The following WNK2 variants were observed in gnomAD, a reference collection of about 807,000 sequenced individuals.
WNK2 encodes serine/threonine-protein kinase WNK2.
A neutral mutation model predicts 192.1 loss-of-function variants in WNK2; 67 were observed. The ratio of observed to expected loss-of-function variants is 0.35; its 90% CI spans 0.29 to 0.43. The LOEUF (loss-of-function observed/expected upper bound fraction) is 0.43, where lower values mean the gene tolerates loss of function less well. Ranked by LOEUF, WNK2 falls within the 20% of genes least tolerant of loss-of-function variation. The pLI is 1.00. For synonymous variants in WNK2, 1,439 were observed against 1,393.9 expected (o/e 1.03, Z -0.72); for missense variants, 2,698 against 3,089.7 (o/e 0.87, Z 3.01).
At chr9:93,304,369 G>C (rs1852123802) in intron 26 of WNK2, among the ~76,000 whole-genome samples, 1 of 152,252 alleles carries the variant, frequency 6.6e-6, no homozygotes, top group African/African-American at 2.4e-5. Context: ...CTGTCGTCCT[G>C]TGTGCTGCCA....
intron 2 of WNK2, among the ~76,000 whole-genome samples, chr9:93,227,965 T>G (rs1439655728): frequency 6.6e-6 from 1 of 152,232 alleles, no homozygotes; most frequent in Non-Finnish European, 1.5e-5. Flanking sequence ...TTGCAAGAGC[T>G]CTTTCTCGAA....
At chr9:93,192,858 A>G (rs1029904316) in intron 2 of WNK2, among the ~76,000 whole-genome samples, 3 of 152,048 alleles carry the variant, frequency 2.0e-5, no homozygotes, top group African/African-American at 7.2e-5. Context: ...GGCTGGCTGG[A>G]CTTGCCCCTC....
At chr9:93,285,134 A>G (rs1848266045) in intron 19 of WNK2, among the ~76,000 whole-genome samples, 1 of 152,246 alleles carries the variant, frequency 6.6e-6, no homozygotes, top group Admixed American at 6.5e-5. Flanking sequence ...TCTACCTATA[A>G]AATTACTGGG....
In WNK2 at chr9:93,246,723, G is replaced by A. The variant is rs890164576; in HGVS notation, c.1543-820G>A. 5.3e-5 allele frequency among the ~76,000 whole-genome samples: 8 copies of A among 152,318 alleles called. No individual in the cohort carries two copies. The East Asian group carries it at 7.7e-4, about 15-fold the overall frequency. On this transcript the variant is annotated intron_variant, in intron 7 of 29. Coordinates refer to ENST00000427277, the MANE Select transcript of WNK2 (RefSeq NM_006648.4). Reference sequence around the variant, plus strand: ...CCGAAGCCAGGATGCCCTCTTGCACGGGCACCTCCGCCCTACTGCAGAGGC... The same window carrying A: ...CCGAAGCCAGGATGCCCTCTTGCACAGGCACCTCCGCCCTACTGCAGAGGC...
chr9:93,317,523 A>T lies in WNK2; in HGVS notation c.6520A>T (p.Thr2174Ser). The T allele has an allele frequency of 6.2e-7, 1 of 1,613,562 alleles. No individual in the cohort carries two copies. The change falls in exon 29 of 30, where the codon ACC becomes TCC. Residue 2174 changes from threonine to serine, a missense_variant. Transcript: ENST00000427277. ...TTCTCGTCTCTGTGTTTTGTAGATG[A>T]CCGCACCTCGAGCAGGAGTGGGGAT... ...WAAPGEARAM[T>S]APRAGVGMPR...
intron 19 of WNK2, among the ~76,000 whole-genome samples, chr9:93,285,311 G>T (rs1337976727): frequency 6.6e-6 from 1 of 152,128 alleles, no homozygotes; most frequent in Non-Finnish European, 1.5e-5. Flanking sequence ...TGGAAAGGAA[G>T]AAATAAAACT....
rs2134262072 is a variant in WNK2, at chr9:93,308,136, A to G, written c.6260-192A>G. ...GGGTGATGGCCACCTGGCACAGCCCATGGAAATGCCCCACCATGTCTGACC... is the reference window on the plus strand; with the variant it reads ...GGGTGATGGCCACCTGGCACAGCCCGTGGAAATGCCCCACCATGTCTGACC... On this transcript the variant is annotated intron_variant, in intron 27 of 29. Coordinates refer to ENST00000427277, the MANE Select transcript of WNK2 (RefSeq NM_006648.4). 4.1e-6 allele frequency: 5 copies of G among 1,206,738 alleles called. No homozygotes were observed. In the South Asian group the frequency reaches 6.4e-5, roughly 16 times the overall value. 74.8% of individuals were successfully genotyped at this position (1,206,738 alleles called of 1,614,324 possible).
Position 93,234,840 on chromosome 9 carries a change from G to A in WNK2, c.1108G>A (p.Glu370Lys), listed in dbSNP as rs372094446. 2 of 1,613,950 alleles carry A rather than the reference G, an allele frequency of 1.2e-6. No homozygotes were observed. Among genetic ancestry groups the A allele is most frequent in the African/African-American group, 1.3e-5 (1 of 74,922 alleles). The change falls in exon 5 of 30, where the codon GAG becomes AAG. Residue 370 changes from glutamate (E) to lysine (K), a missense_variant. Coordinates refer to ENST00000427277, the MANE Select transcript of WNK2 (RefSeq NM_006648.4). ...CGAGTTCATGGCGCCCGAGATGTAC[G>A]AGGAGCACTACGATGAGTCCGTGGA... The part of the protein sequence containing the change: ...TPEFMAPEMY[E>K]EHYDESVDVY...
chr9:93,242,370 G>A (rs1840920259), intron 7 of WNK2, among the ~76,000 whole-genome samples: 1 of 152,230 alleles, frequency 6.6e-6, no homozygotes, highest in Admixed American at 6.5e-5. Context: ...GGGTTGATGA[G>A]CTCTGTGCTT....
At chr9:93,191,103 C>T (rs114044266) in intron 2 of WNK2, among the ~76,000 whole-genome samples, 1,687 of 152,000 alleles carry the variant, frequency 0.011, 27 homozygotes, top group African/African-American at 0.038. Flanking sequence ...GTGTCAGGCT[C>T]TGGGAAGCAA....
rs113723211 is a variant in WNK2, at chr9:93,239,986, A to G, written c.1542+10A>G. ...GGTGGCCCAAGAGATGGTAAGCAGG[A>G]CTCAGATGGGGTGAGGTGGGTGCAG... On this transcript the variant is annotated intron_variant, in intron 7 of 29. Transcript: ENST00000427277. This position sits in a 1 kb window ranked among gnomAD's most constrained non-coding sequence, Gnocchi z 4.2. 18 of 1,606,288 alleles carry G rather than the reference A, an allele frequency of 1.1e-5. No individual in the cohort carries two copies. The highest frequency in any genetic ancestry group is 1.4e-5 in the Non-Finnish European group (16 of 1,176,542).
At position 93,311,613 on chromosome 9, in the gene WNK2, T is replaced by TTGTTTGTGTGTG. The variant is rs71511653; in HGVS notation, c.6516+3032_6516+3033insTTGTGTGTGTGT. 6.5e-3 allele frequency among the ~76,000 whole-genome samples: 948 copies of TTGTTTGTGTGTG among 146,192 alleles called. 19 individuals are homozygous for TTGTTTGTGTGTG. The South Asian group carries it at 0.075, about 12-fold the overall frequency. ...AGATTTCCTTTCTGGGTTTTTTTGT[T>TTGTTTGTGTGTG]TGTGTGTGTGTGTGTGTGTGTGTGT... On this transcript the variant is annotated intron_variant, in intron 28 of 29. Coordinates refer to ENST00000427277, the MANE Select transcript of WNK2 (RefSeq NM_006648.4).
chr9:93,301,655 G>T (rs115454325), intron 26 of WNK2, among the ~76,000 whole-genome samples: 1 of 152,106 alleles, frequency 6.6e-6, no homozygotes, highest in South Asian at 2.1e-4. Flanking sequence ...GCCGGTTCCC[G>T]GCCCTGCTGG....
intron 2 of WNK2, among the ~76,000 whole-genome samples, chr9:93,215,447 T>A (rs756893202): frequency 1.2e-4 from 19 of 152,364 alleles, no homozygotes; most frequent in Non-Finnish European, 1.8e-4. Context: ...TCATTATTTA[T>A]ACCCTCTTTT....
Position 93,263,583 on chromosome 9 carries a change from T to G in WNK2, c.3428T>G (p.Val1143Gly), listed in dbSNP as rs1476252989. The change falls in exon 15 of 30, where the codon GTC becomes GGC. Residue 1143 changes from valine to glycine, a missense_variant. This residue lies in a region of WNK2 where 893 missense variants were observed against 909.0 expected (regional missense o/e 0.98). Transcript: ENST00000427277. The part of the protein sequence containing the change: ...QSCESYGGSD[V>G]TSGKELSDSC... ...TTGCTCAGCTATGGAGGTTCTGATG[T>G]CACTTCTGGAAAAGAGCTGAGTGAC... The G allele has an allele frequency of 6.2e-7, 1 of 1,611,476 alleles. No homozygotes were observed. Among genetic ancestry groups the G allele is most frequent in the Non-Finnish European group, 8.5e-7 (1 of 1,179,370 alleles).
intron 12 of WNK2, 90 bp from the exon 13 acceptor site, chr9:93,261,724 G>A (rs1174512115): frequency 5.5e-6 from 8 of 1,459,996 alleles, no homozygotes; most frequent in African/African-American, 4.2e-5. Flanking sequence ...TTCCCATCTC[G>A]GCCTGGGTAT....
rs1203608367 is a variant in WNK2 at position 93,239,200 on chromosome 9, G to A, written c.1323-557G>A. The stretch of plus-strand genomic sequence containing the variant: ...CAAAGAGCCTTCGAGGCTGGGTCTG[G>A]CTGGGGCCCCCCCAGTTCTGCAGGT... On this transcript the variant is annotated intron_variant, in intron 6 of 29. Transcript: ENST00000427277. The surrounding 1 kb of genome is among the most constrained non-coding windows in gnomAD (Gnocchi z 4.2). 6.6e-6 allele frequency among the ~76,000 whole-genome samples: 1 copy of A among 152,202 alleles called. No individual in the cohort carries two copies. Among genetic ancestry groups the A allele is most frequent in the Non-Finnish European group, 1.5e-5 (1 of 68,036 alleles).
intron 19 of WNK2, among the ~76,000 whole-genome samples, chr9:93,273,584 G>A (rs1352653976): frequency 6.6e-6 from 1 of 152,176 alleles, no homozygotes; most frequent in South Asian, 2.1e-4. Context: ...ACTGTAGTTG[G>A]AGACTCCAAC....
intron 28 of WNK2, among the ~76,000 whole-genome samples, chr9:93,311,408 G>GCATCC (rs1365445178): frequency 3.3e-5 from 5 of 152,170 alleles, no homozygotes; most frequent in Non-Finnish European, 5.9e-5. Context: ...AGGTGTACAA[G>GCATCC]CATCCCTTCA....
Sources: gnomAD v4.1 joint callset for allele counts (sites outside exome capture counted in the v4.1 genomes callset) on GRCh38, gnomAD v4.1.1 for gene constraint, gnomAD v4.1.1 regional missense constraint, Gnocchi (gnomAD v3.1) non-coding constraint, MANE v1.5 for transcripts, NCBI Gene and HGNC (gene_info 2026-07-23, HGNC 2026-07-21) for gene names.